The following NECTIN1 variants were observed in gnomAD, a reference collection of about 807,000 sequenced individuals.
The protein encoded by NECTIN1 is nectin cell adhesion molecule 1, also known as nectin-1.
In NECTIN1, 23 loss-of-function variants were observed where a neutral mutation model predicts 48.0. The ratio of observed to expected loss-of-function variants is 0.48; its 90% CI spans 0.34 to 0.68. The LOEUF is 0.68. Among genes scored for constraint, NECTIN1 ranks in the 30% least tolerant of loss-of-function variants. The pLI is 0.01. For missense variants in NECTIN1, 591 were observed against 709.9 expected, an observed-to-expected ratio of 0.83 and a Z score of 1.90; for synonymous variants, 270 against 288.9, an observed-to-expected ratio of 0.93 and a Z score of 0.66.
chr11:119,718,714 G>A (rs752791131), intron 1 of NECTIN1, among the ~76,000 whole-genome samples: 62 of 152,194 alleles, frequency 4.1e-4, no homozygotes, highest in African/African-American at 1.3e-3. Flanking sequence ...TATCAGTGAT[G>A]CCCAAAGACT....
At chr11:119,676,998 T>C (rs1408007343) in intron 4 of NECTIN1, 104 bp downstream of exon 4, 1 of 994,030 alleles carries the variant, frequency 1.0e-6, no homozygotes, top group African/African-American at 1.6e-5. Flanking sequence ...AGACCCTAAT[T>C]TCTTCCCTGC....
rs1565376549 is a variant in NECTIN1 at position 119,648,307 on chromosome 11, ATGGTGG to A, written c.1004-8301_1004-8296del. ...GGTGGTGATGGTGGTGGTGGTGGTG[ATGGTGG>A]TGATGGTGATGGTGGTGATGGTGGT... On this transcript the variant is annotated intron_variant, in intron 5 of 7. Transcript: ENST00000341398. 3.0e-3 allele frequency among the ~76,000 whole-genome samples: 31 copies of A among 10,418 alleles called. 2 individuals are homozygous for A. The highest frequency in any genetic ancestry group is 0.018 in the East Asian group (4 of 220). The allele number at this position is 10,418 out of a possible 152,430, so 6.8% of individuals were successfully genotyped here.
intron 5 of NECTIN1, among the ~76,000 whole-genome samples, chr11:119,652,191 CAATTGTGGGGACCAGAGGA>C (rs1864502616): frequency 2.0e-5 from 3 of 152,322 alleles, no homozygotes; most frequent in African/African-American, 7.2e-5. Flanking sequence ...TGCTTCGGGT[CAATTGTGGGGACCAGAGGA>C]AGGTTTTCCA....
At chr11:119,714,877 C>T (rs1471237632) in intron 1 of NECTIN1, among the ~76,000 whole-genome samples, 5 of 152,046 alleles carry the variant, frequency 3.3e-5, no homozygotes, top group East Asian at 3.9e-4. Flanking sequence ...CATCCCTGGG[C>T]GTGGCAGCCC....
chr11:119,706,217 G>T (rs1865546952), intron 1 of NECTIN1, among the ~76,000 whole-genome samples: 1 of 152,174 alleles, frequency 6.6e-6, no homozygotes, highest in Non-Finnish European at 1.5e-5. Flanking sequence ...CAAAGGGAAA[G>T]ATATGATCTC....
At chr11:119,655,884 A>G (rs1864565470) in intron 5 of NECTIN1, among the ~76,000 whole-genome samples, 1 of 152,092 alleles carries the variant, frequency 6.6e-6, no homozygotes, top group African/African-American at 2.4e-5. Flanking sequence ...ACCACCTGAA[A>G]GGTCTCTTTT....
chr11:119,653,512 A>G (rs528737071), intron 5 of NECTIN1, among the ~76,000 whole-genome samples: 16 of 152,282 alleles, frequency 1.1e-4, no homozygotes, highest in African/African-American at 3.8e-4. Context: ...CGCCCCTCCA[A>G]CAGGCTGGTG....
At chr11:119,640,142 C>T in intron 5 of NECTIN1, 1 of 1,000,894 alleles carries the variant, frequency 1.0e-6, no homozygotes, top group East Asian at 2.6e-5. Context: ...GCTCCCCTCC[C>T]CATGGTGCTC....
At chr11:119,639,811 G>T in intron 6 of NECTIN1, 2 of 1,610,250 alleles carry the variant, frequency 1.2e-6, no homozygotes, top group Non-Finnish European at 1.7e-6. Context: ...GGCTCCCAGG[G>T]TGCTGGGGAG....
At chr11:119,660,221 C>T (rs940358181), downstream of NECTIN1, among the ~76,000 whole-genome samples, 4 of 151,988 alleles carry the variant, frequency 2.6e-5, no homozygotes, top group Non-Finnish European at 5.9e-5. Context: ...CGGGGGGTGA[C>T]GGAGGGATGG....
At chr11:119,704,597 T>C (rs1173428969) in intron 1 of NECTIN1, among the ~76,000 whole-genome samples, 1 of 152,176 alleles carries the variant, frequency 6.6e-6, no homozygotes, top group Admixed American at 6.5e-5. Flanking sequence ...TTCAGCCCCT[T>C]GCCTGAGGGT....
chr11:119,650,806 T>G (rs1307268048), intron 5 of NECTIN1, among the ~76,000 whole-genome samples: 1 of 152,040 alleles, frequency 6.6e-6, no homozygotes, highest in African/African-American at 2.4e-5. Flanking sequence ...GGGCTGGAGG[T>G]GAGGATTCAA....
Position 119,645,058 on chromosome 11 carries a change from G to A in NECTIN1, c.1004-5046C>T, listed in dbSNP as rs531789582. 1.1e-4 allele frequency among the ~76,000 whole-genome samples: 17 copies of A among 152,136 alleles called. 1 individual carries two copies. The South Asian group carries it at 3.3e-3, about 30-fold the overall frequency. ...GCCACTTGGCACTTCTGCCCCTGAA[G>A]CTGTCCTGGGTTGGTCTGCCCTCTG... is the stretch of plus-strand genomic sequence containing the variant. On this transcript the variant is annotated intron_variant, in intron 5 of 7. Transcript: ENST00000341398.
chr11:119,664,970 T>C lies in NECTIN1; in HGVS notation c.1331A>G (p.Glu444Gly), dbSNP rs1366987801. 2 of 1,463,684 alleles carry C rather than the reference T, an allele frequency of 1.4e-6. No homozygotes were observed. Among genetic ancestry groups the C allele is most frequent in the Non-Finnish European group, 1.9e-6 (2 of 1,055,254 alleles). The allele number at this position is 1,463,684 out of a possible 1,614,324, so 90.7% of individuals were successfully genotyped here. The change falls in exon 6 of 6, where the codon GAG (glutamate) becomes GGG (glycine). Residue 444 changes from glutamate to glycine, a missense_variant. Physicochemically the swap from Glu to Gly is moderately conservative, Grantham distance 98 (BLOSUM62 -2). Coordinates refer to ENST00000264025, the MANE Select transcript of NECTIN1 (RefSeq NM_002855.5). ...SSYEEEEEEE[E>G]GGGGGERKVG... ...CTTGCGCTCGCCCCCTCCACCGCCC[T>C]CCTCCTCCTCCTCCTCCTCCTCATA...
intron 1 of NECTIN1, among the ~76,000 whole-genome samples, chr11:119,691,985 G>T (rs1028189152): frequency 6.6e-6 from 1 of 152,178 alleles, no homozygotes; most frequent in African/African-American, 2.4e-5. Flanking sequence ...AGGGGCATGT[G>T]GGGTGAGGGG....
At chr11:119,644,780 G>A (rs566768862) in intron 5 of NECTIN1, among the ~76,000 whole-genome samples, 2 of 152,156 alleles carry the variant, frequency 1.3e-5, no homozygotes, top group Admixed American at 1.3e-4. Context: ...TGAAATGTGG[G>A]GTATATGAGG....
At chr11:119,642,306 T>G (rs1157382086) in intron 5 of NECTIN1, 1 of 152,180 alleles carries the variant, frequency 6.6e-6, no homozygotes, top group Non-Finnish European at 1.5e-5. Flanking sequence ...TCCCCTTTTC[T>G]TCTCAGCACA....
intron 1 of NECTIN1, among the ~76,000 whole-genome samples, chr11:119,686,622 C>T (rs750981933): frequency 2.5e-4 from 38 of 152,234 alleles, no homozygotes; most frequent in Non-Finnish European, 5.4e-4. Flanking sequence ...CCTCTCCCAA[C>T]TCTTCTCTCT....
In NECTIN1 at chr11:119,662,228, T is replaced by G. The variant is rs1377557946; in HGVS notation, c.*2519A>C. On this transcript the variant is annotated 3_prime_UTR_variant, in exon 6 of 6. Coordinates refer to ENST00000264025, the MANE Select transcript of NECTIN1 (RefSeq NM_002855.5). The surrounding 1 kb of genome is among the most constrained non-coding windows in gnomAD (Gnocchi z 5.3). ...CCTCATCTCTCTGCTGGGCTAGACC[T>G]CCCTTTTGCCAGCTGGCTGTGTCTG... 2 of 985,360 alleles carry G rather than the reference T, an allele frequency of 2.0e-6. No individual in the cohort carries two copies. Among genetic ancestry groups the G allele is most frequent in the Admixed American group, 1.2e-4 (2 of 16,260 alleles). The allele number at this position is 985,360 out of a possible 1,614,324, so 61.0% of individuals were successfully genotyped here.
Sources: gnomAD v4.1 joint callset for allele counts (sites outside exome capture counted in the v4.1 genomes callset) on GRCh38, gnomAD v4.1.1 for gene constraint, Gnocchi (gnomAD v3.1) non-coding constraint, MANE v1.5 for transcripts, NCBI Gene and HGNC (gene_info 2026-07-23, HGNC 2026-07-21) for gene names.